The following ADGRG4 variants were observed in gnomAD, a reference collection of about 807,000 sequenced individuals.
The protein encoded by ADGRG4 is adhesion G protein-coupled receptor G4.
ADGRG4 carries 122 observed loss-of-function variants against 126.2 expected under a neutral mutation model. The observed-to-expected ratio is 0.97, with a 90% CI of 0.83 to 1.12. The LOEUF (loss-of-function observed/expected upper bound fraction) is 1.12, where lower values mean the gene tolerates loss of function less well. Ranked by LOEUF, ADGRG4 falls within the 50% of genes most tolerant of loss-of-function variation. The probability of loss-of-function intolerance (pLI) is 0.00; values close to 1 mark genes in which losing one functional copy is unlikely to be tolerated. For synonymous variants in ADGRG4, 943 were observed against 838.7 expected, an observed-to-expected ratio of 1.12 and a Z score of -2.15; for missense variants, 2,481 against 2,251.8, an observed-to-expected ratio of 1.10 and a Z score of -2.06.
intron 4 of ADGRG4, among the ~76,000 whole-genome samples, chrX:136,313,970 A>G: frequency 9.0e-6 from 1 of 111,323 alleles, no homozygotes; most frequent in Non-Finnish European, 1.9e-5. Context: ...CCATTATGCA[A>G]ACTTAGGGGC....
At chrX:136,306,387 C>T (rs746902449) in intron 3 of ADGRG4, among the ~76,000 whole-genome samples, 1 of 111,150 alleles carries the variant, frequency 9.0e-6, no homozygotes, top group Non-Finnish European at 1.9e-5. Flanking sequence ...ACTTTTCCTC[C>T]TTCCTTCCTT....
rs143169662 is a variant in ADGRG4 at position 136,392,231 on chromosome X, G to A, written c.7912-1G>A. The A allele has an allele frequency of 1.7e-5, 20 of 1,155,247 alleles. No individual in the cohort carries two copies. The African/African-American group carries it at 3.2e-4, about 19-fold the overall frequency. The stretch of plus-strand genomic sequence containing the variant: ...GAACTCCTCTTTTGTTTCATCTGCA[G>A]ACCAAAAATGTCACTAAAGCATTAA... On this transcript the variant is annotated splice_acceptor_variant, in intron 16 of 25. Transcript: ENST00000394143. LOFTEE classifies it high-confidence loss of function.
At chrX:136,313,573 A>G (rs772479374) in intron 4 of ADGRG4, among the ~76,000 whole-genome samples, 10 of 112,130 alleles carry the variant, frequency 8.9e-5, no homozygotes, top group Non-Finnish European at 1.7e-4. Context: ...TGTCTAGCAT[A>G]GGACAGATGA....
intron 17 of ADGRG4, among the ~76,000 whole-genome samples, chrX:136,393,181 G>A (rs1458404589): frequency 1.8e-5 from 2 of 111,866 alleles, no homozygotes; most frequent in East Asian, 5.6e-4. Flanking sequence ...TCAGCGGTGA[G>A]CCCCGAATTC....
Position 136,301,015 on chromosome X carries a change from T to C in ADGRG4, c.-254+15T>C, listed in dbSNP as rs1341766750. 1 of 112,382 alleles carries C rather than the reference T, an allele frequency of 8.9e-6. No homozygotes were observed. The highest frequency in any genetic ancestry group is 1.9e-5 in the Non-Finnish European group (1 of 53,308). 9.3% of individuals were successfully genotyped at this position (112,382 alleles called of 1,213,427 possible). On this transcript the variant is annotated intron_variant, in intron 1 of 25. Coordinates refer to ENST00000394143, the MANE Select transcript of ADGRG4 (RefSeq NM_153834.4). ...TGGACATTTGGGTTGGTTCCAAGTC[T>C]TTGCTATTGTGAATAATGCTGCAAT...
At chrX:136,376,989 A>G (rs1348139812) in intron 15 of ADGRG4, among the ~76,000 whole-genome samples, 2 of 110,471 alleles carry the variant, frequency 1.8e-5, no homozygotes, top group Non-Finnish European at 3.8e-5. Flanking sequence ...ACTATGTTGA[A>G]CAGAAATGGT....
intron 9 of ADGRG4, 135 bp downstream of exon 9, chrX:136,356,300 C>T (rs2075093672): frequency 2.6e-6 from 1 of 379,045 alleles, no homozygotes; most frequent in Non-Finnish European, 4.6e-6. Context: ...AATTACATTA[C>T]TTCCTTTGGG....
chrX:136,308,686 AAGG>A, intron 3 of ADGRG4, 80 bp from the exon 4 acceptor site: 3 of 585,279 alleles, frequency 5.1e-6, no homozygotes, highest in Non-Finnish European at 8.7e-6. Flanking sequence ...GTGGTATGCA[AAGG>A]AGAAGTGTGG....
intron 4 of ADGRG4, among the ~76,000 whole-genome samples, chrX:136,310,799 AG>A (rs1242816187): frequency 9.0e-6 from 1 of 111,673 alleles, no homozygotes; most frequent in Non-Finnish European, 1.9e-5. Context: ...TGAGGTCAAG[AG>A]CTGAATAGTT....
Position 136,345,848 on chromosome X carries a change from C to T in ADGRG4, c.2142C>T (p.Thr714=). Reference sequence around the variant, plus strand: ...AAGCATCTCCAGAGGGCAAAGGTACCACTGCCAATGATGCTACTACAGCCA... The same window carrying T: ...AAGCATCTCCAGAGGGCAAAGGTACTACTGCCAATGATGCTACTACAGCCA... ...PLKASPEGKG[T]TANDATTARY... The change falls in exon 6 of 26, where the codon ACC becomes ACT. Residue 714 remains threonine (T), a synonymous_variant. Transcript: ENST00000394143. The T allele has an allele frequency of 8.3e-7, 1 of 1,210,962 alleles. No homozygotes were observed. The highest frequency in any genetic ancestry group is 1.1e-6 in the Non-Finnish European group (1 of 894,932).
intron 4 of ADGRG4, among the ~76,000 whole-genome samples, chrX:136,322,156 G>T (rs1231867127): frequency 1.8e-5 from 2 of 111,386 alleles, no homozygotes; most frequent in Non-Finnish European, 3.8e-5. Flanking sequence ...AGGCCATCAG[G>T]ATGCACCCAG....
chrX:136,372,576 AG>A (rs1271004350), intron 14 of ADGRG4, among the ~76,000 whole-genome samples: 6 of 112,146 alleles, frequency 5.4e-5, no homozygotes, highest in African/African-American at 1.9e-4. Context: ...GAGGCCCTGC[AG>A]GGTCTGGCTT....
chrX:136,379,552 C>T (rs2075247062), intron 15 of ADGRG4, among the ~76,000 whole-genome samples: 1 of 106,379 alleles, frequency 9.4e-6, no homozygotes, highest in Non-Finnish European at 1.9e-5. Context: ...CCTCTCCTTT[C>T]CAGCCCTCTC....
intron 5 of ADGRG4, among the ~76,000 whole-genome samples, chrX:136,327,468 A>AATAATG: frequency 9.4e-6 from 1 of 106,311 alleles, no homozygotes; most frequent in East Asian, 2.9e-4. Flanking sequence ...GAAATAAAAT[A>AATAATG]ATAATAATAA....
chrX:136,361,700 C>A, intron 12 of ADGRG4, 113 bp downstream of exon 12: 5 of 479,599 alleles, frequency 1.0e-5, no homozygotes, highest in Non-Finnish European at 1.6e-5. Flanking sequence ...ACCTCTAGTG[C>A]CAGTCTTTCT....
intron 20 of ADGRG4, among the ~76,000 whole-genome samples, chrX:136,398,570 C>T (rs2075362958): frequency 8.9e-6 from 1 of 111,848 alleles, no homozygotes; most frequent in Non-Finnish European, 1.9e-5. Context: ...ATTACAACCA[C>T]AGTTATGTAC....
At chrX:136,334,099 T>C (rs866966610) in intron 5 of ADGRG4, among the ~76,000 whole-genome samples, 1 of 32,979 alleles carries the variant, frequency 3.0e-5, no homozygotes, top group Non-Finnish European at 6.0e-5. Context: ...TTTCTTTCTT[T>C]CTTTCTTTCT....
At chrX:136,388,586 G>T (rs144831785) in intron 16 of ADGRG4, among the ~76,000 whole-genome samples, 1 of 111,751 alleles carries the variant, frequency 8.9e-6, no homozygotes, top group African/African-American at 3.3e-5. Context: ...TTACAATACC[G>T]CTTGGCACAT....
Position 136,403,332 on chromosome X carries a change from A to G in ADGRG4, c.8654+10A>G, listed in dbSNP as rs769881703. 16 of 1,172,698 alleles carry G rather than the reference A, an allele frequency of 1.4e-5. No individual in the cohort carries two copies. The highest frequency in any genetic ancestry group is 1.5e-5 in the Non-Finnish European group (13 of 860,306). ...GCCCAACAACTCCGTTGTAAGTACCAGCATCTCTGTTTCTCTGGTGGTGGG... is the reference window on the plus strand; with the variant it reads ...GCCCAACAACTCCGTTGTAAGTACCGGCATCTCTGTTTCTCTGGTGGTGGG... On this transcript the variant is annotated intron_variant, in intron 22 of 25. Transcript: ENST00000394143.
Sources: gnomAD v4.1 joint callset for allele counts (sites outside exome capture counted in the v4.1 genomes callset) on GRCh38, gnomAD v4.1.1 for gene constraint, MANE v1.5 for transcripts, NCBI Gene and HGNC (gene_info 2026-07-23, HGNC 2026-07-21) for gene names.